MACC1: variants seen among roughly 807,000 people sequenced by gnomAD.
MACC1 encodes the protein metastasis-associated in colon cancer protein 1.
A neutral mutation model predicts 70.7 loss-of-function variants in MACC1; 79 were observed. The observed-to-expected ratio is 1.12, with a 90% CI of 0.93 to 1.35. The LOEUF is 1.35. Ranked by LOEUF, MACC1 falls within the 40% of genes most tolerant of loss-of-function variation. The pLI is 0.00. For missense variants in MACC1, 1,106 were observed against 978.1 expected (o/e 1.13, Z -1.74); for synonymous variants, 361 against 347.2 (o/e 1.04, Z -0.44).
chr7:20,211,029 T>C (rs1338338365), intron 1 of MACC1, among the ~76,000 whole-genome samples: 3 of 152,188 alleles, frequency 2.0e-5, no homozygotes, highest in African/African-American at 7.2e-5. Flanking sequence ...ATTATGTGTG[T>C]ATGTATGCTC....
Position 20,138,858 on chromosome 7 carries a change from G to A in MACC1, c.*2088C>T, listed in dbSNP as rs1427362202. ...CGGCTAATTTTTTGTATTTTTAGTA[G>A]AGACGGGGTTTCACCGCGTTAGCCA... On this transcript the variant is annotated 3_prime_UTR_variant, in exon 7 of 7. Coordinates refer to ENST00000400331, the MANE Select transcript of MACC1 (RefSeq NM_182762.4). 6.6e-6 allele frequency: 1 copy of A among 152,116 alleles called. No individual in the cohort carries two copies. The highest frequency in any genetic ancestry group is 1.5e-5 in the Non-Finnish European group (1 of 68,040). 9.4% of individuals were successfully genotyped at this position (152,116 alleles called of 1,614,324 possible).
intron 1 of MACC1, among the ~76,000 whole-genome samples, chr7:20,208,231 T>A (rs1365792376): frequency 6.6e-6 from 1 of 152,184 alleles, no homozygotes; most frequent in Non-Finnish European, 1.5e-5. Context: ...GTACAAGAAG[T>A]GAGGTGCTGC....
chr7:20,208,835 T>C (rs1201862989), intron 1 of MACC1, among the ~76,000 whole-genome samples: 1 of 152,214 alleles, frequency 6.6e-6, no homozygotes, highest in Non-Finnish European at 1.5e-5. Context: ...AACGGTTTCG[T>C]GGGCAGGGCC....
rs140929570 is a variant in MACC1, at chr7:20,160,157, C to A, written c.204G>T (p.Trp68Cys). 627 of 1,612,050 alleles carry A rather than the reference C, an allele frequency of 3.9e-4. No homozygotes were observed. The highest frequency in any genetic ancestry group is 4.4e-4 in the Admixed American group (26 of 59,546). ...NNASKVANPF[W>C]NQLSASNPFL... is the part of the protein sequence containing the mutation. The stretch of plus-strand genomic sequence containing the variant: ...ATGGGTTAGAAGCAGACAGTTGATT[C>A]CAGAATGGATTTGCAACTTTGGAAG... The change falls in exon 5 of 7, where the codon TGG becomes TGT. Residue 68 changes from tryptophan (W) to cysteine (C), a missense_variant. Trp to Cys is a radical substitution (Grantham distance 215). Coordinates refer to ENST00000400331, the MANE Select transcript of MACC1 (RefSeq NM_182762.4).
At position 20,166,807 on chromosome 7, in the gene MACC1, A is replaced by C. The variant is rs370827308; in HGVS notation, c.-152-2408T>G. Among the ~76,000 whole-genome samples the C allele has an allele frequency of 3.9e-5, 6 of 152,286 alleles. No individual in the cohort carries two copies. In the South Asian group the frequency reaches 1.2e-3, roughly 32 times the overall value. ...GTCAAGATGTCTATCACTTCTTTCT[A>C]TCTTATTATCCTTCCATCACTGGCA... On this transcript the variant is annotated intron_variant, in intron 2 of 6. Coordinates refer to ENST00000400331, the MANE Select transcript of MACC1 (RefSeq NM_182762.4).
intron 1 of MACC1, among the ~76,000 whole-genome samples, chr7:20,185,364 G>A (rs1033446982): frequency 3.3e-5 from 5 of 152,202 alleles, no homozygotes; most frequent in East Asian, 3.9e-4. Flanking sequence ...AACCAAGGAG[G>A]CATCAACTGA....
intron 1 of MACC1, among the ~76,000 whole-genome samples, chr7:20,171,912 G>A (rs1011132987): frequency 2.0e-5 from 3 of 152,148 alleles, no homozygotes; most frequent in African/African-American, 7.2e-5. Flanking sequence ...GTTACAAGAA[G>A]TCTGGAGGAA....
At position 20,178,763 on chromosome 7, in the gene MACC1, G is replaced by T. The variant is rs1782453613; in HGVS notation, c.-217-7985C>A. 2.0e-5 allele frequency among the ~76,000 whole-genome samples: 3 copies of T among 152,030 alleles called. No individual in the cohort carries two copies. The South Asian group carries it at 6.2e-4, about 32-fold the overall frequency. Reference sequence around the variant, plus strand: ...TTACAGGCATGCACCACCACGCCTGGCTAATTTTGTATTTTTAGTAGACAT... The same window carrying T: ...TTACAGGCATGCACCACCACGCCTGTCTAATTTTGTATTTTTAGTAGACAT... On this transcript the variant is annotated intron_variant, in intron 1 of 6. Coordinates refer to ENST00000400331, the MANE Select transcript of MACC1 (RefSeq NM_182762.4).
rs1349696429 is a variant in MACC1, at chr7:20,140,911, C to A, written c.*35G>T. The A allele has an allele frequency of 2.0e-6, 3 of 1,523,932 alleles. No homozygotes were observed. Among genetic ancestry groups the A allele is most frequent in the African/African-American group, 2.7e-5 (2 of 72,892 alleles). 94.4% of individuals were successfully genotyped at this position (1,523,932 alleles called of 1,614,324 possible). A position where few individuals can be genotyped will look rare whatever the true frequency, so the allele number is the denominator to read the frequency against. ...CACACACACACACACACCATTACCTCATTTTCCCTCCCATCAAAAACACAC... is the reference window on the plus strand; with the variant it reads ...CACACACACACACACACCATTACCTAATTTTCCCTCCCATCAAAAACACAC... On this transcript the variant is annotated 3_prime_UTR_variant, in exon 7 of 7. Coordinates refer to ENST00000400331, the MANE Select transcript of MACC1 (RefSeq NM_182762.4).
intron 1 of MACC1, among the ~76,000 whole-genome samples, chr7:20,195,651 G>A (rs977723746): frequency 3.9e-5 from 6 of 152,168 alleles, no homozygotes; most frequent in Non-Finnish European, 7.3e-5. Flanking sequence ...TGCAATCTAT[G>A]GTTGGTTTTT....
At chr7:20,151,477 T>C (rs1410404534) in intron 6 of MACC1, among the ~76,000 whole-genome samples, 1 of 152,228 alleles carries the variant, frequency 6.6e-6, no homozygotes, top group Admixed American at 6.5e-5. Context: ...CTGAAAAACA[T>C]ACTTTGCTTA....
intron 1 of MACC1, among the ~76,000 whole-genome samples, chr7:20,209,847 T>C (rs924387597): frequency 1.3e-5 from 2 of 152,188 alleles, no homozygotes; most frequent in African/African-American, 4.8e-5. Context: ...TGAGAGGTAA[T>C]TGAATCATGG....
chr7:20,151,761 G>T (rs1187193587), intron 6 of MACC1, among the ~76,000 whole-genome samples: 1 of 152,122 alleles, frequency 6.6e-6, no homozygotes, highest in Non-Finnish European at 1.5e-5. Context: ...GGCAATTTTT[G>T]ATAGTATCAT....
chr7:20,207,420 G>A (rs1048166038), intron 1 of MACC1, among the ~76,000 whole-genome samples: 1 of 151,926 alleles, frequency 6.6e-6, no homozygotes, highest in Non-Finnish European at 1.5e-5. Context: ...CCAAAGTGCT[G>A]GGATTACAGG....
intron 1 of MACC1, among the ~76,000 whole-genome samples, chr7:20,195,691 C>A (rs1425441779): frequency 3.9e-5 from 6 of 152,122 alleles, no homozygotes; most frequent in Non-Finnish European, 8.8e-5. Context: ...GAAATCAAAG[C>A]TGTAGTTATG....
intron 6 of MACC1, among the ~76,000 whole-genome samples, chr7:20,146,929 G>A (rs887976349): frequency 1.2e-4 from 19 of 152,124 alleles, no homozygotes; most frequent in East Asian, 3.8e-4. Flanking sequence ...AATAGGAAGC[G>A]TGAGGCTGAT....
intron 1 of MACC1, among the ~76,000 whole-genome samples, chr7:20,172,625 T>A (rs1418961679): frequency 6.6e-6 from 1 of 152,170 alleles, no homozygotes; most frequent in Non-Finnish European, 1.5e-5. Flanking sequence ...AAATACAAAA[T>A]AAAATACAAA....
chr7:20,158,115 A>G (rs1782081332), intron 5 of MACC1, 89 bp downstream of exon 5: 5 of 1,437,718 alleles, frequency 3.5e-6, no homozygotes, highest in Non-Finnish European at 4.6e-6. Flanking sequence ...ATTTTTAAAC[A>G]TTTCTCCTCT....
intron 1 of MACC1, among the ~76,000 whole-genome samples, chr7:20,190,632 T>C (rs1276648183): frequency 6.6e-6 from 1 of 152,234 alleles, no homozygotes; most frequent in Non-Finnish European, 1.5e-5. Context: ...AGTTCATGGC[T>C]TTAAAATGGC....
Sources: gnomAD v4.1 joint callset for allele counts (sites outside exome capture counted in the v4.1 genomes callset) on GRCh38, gnomAD v4.1.1 for gene constraint, MANE v1.5 for transcripts, NCBI Gene and HGNC (gene_info 2026-07-23, HGNC 2026-07-21) for gene names.